KBTBD11: variants seen among roughly 807,000 people sequenced by gnomAD.
KBTBD11 encodes the protein kelch repeat and BTB domain containing 11.
For synonymous variants in KBTBD11, 747 were observed against 499.0 expected, an observed-to-expected ratio of 1.50 and a Z score of -6.63; for missense variants, 1,390 against 1,001.8, an observed-to-expected ratio of 1.39 and a Z score of -5.23.
rs1271653418 is a variant in KBTBD11, at chr8:2,002,970, C to T, written c.1778C>T (p.Ala593Val). Residue 593 changes from alanine (A) to valine (V), a missense_variant, in exon 2 of 2, where the codon GCG (alanine) becomes GTG (valine). Transcript: ENST00000320248. This position sits in a 1 kb window ranked among gnomAD's most constrained non-coding sequence, Gnocchi z 4.1. ...GCAGGCCAGGGCGGCGGCTTCGAGG[C>T]GCTGGGCGCCCCCTTGGACGTCCGG... ...GDAGQGGGFE[A>V]LGAPLDVRGV... The T allele has an allele frequency of 7.6e-7, 1 of 1,314,252 alleles. No individual in the cohort carries two copies. Among genetic ancestry groups the T allele is most frequent in the Non-Finnish European group, 9.7e-7 (1 of 1,032,784 alleles). The allele number at this position is 1,314,252 out of a possible 1,614,324, so 81.4% of individuals were successfully genotyped here. A position where few individuals can be genotyped will look rare whatever the true frequency, so the allele number is the denominator to read the frequency against.
chr8:1,983,481 C>T (rs1200660967), intron 1 of KBTBD11, among the ~76,000 whole-genome samples: 1 of 152,192 alleles, frequency 6.6e-6, no homozygotes, highest in African/African-American at 2.4e-5. Flanking sequence ...TTTCCATCAT[C>T]CGTCGGGTTA....
At chr8:1,978,387 A>C (rs1816422735) in intron 1 of KBTBD11, among the ~76,000 whole-genome samples, 1 of 152,270 alleles carries the variant, frequency 6.6e-6, no homozygotes, top group African/African-American at 2.4e-5. Flanking sequence ...CATGGAGGCC[A>C]CTGACTTGCT....
At chr8:1,992,256 C>T (rs1209263449) in intron 1 of KBTBD11, among the ~76,000 whole-genome samples, 1 of 152,062 alleles carries the variant, frequency 6.6e-6, no homozygotes, top group African/African-American at 2.4e-5. Context: ...GCGCTGCCTG[C>T]CTCCCAGGGT....
At chr8:1,983,553 G>A (rs1292780496) in intron 1 of KBTBD11, among the ~76,000 whole-genome samples, 1 of 152,138 alleles carries the variant, frequency 6.6e-6, no homozygotes, top group African/African-American at 2.4e-5. Context: ...TCTGCTTTTG[G>A]TCTTCACTAG....
At chr8:1,983,222 C>T (rs577527460) in intron 1 of KBTBD11, among the ~76,000 whole-genome samples, 7 of 152,284 alleles carry the variant, frequency 4.6e-5, no homozygotes, top group African/African-American at 1.7e-4. Context: ...GCTGTGTCCC[C>T]AGTGAATCCT....
chr8:1,985,846 T>C (rs953626524), intron 1 of KBTBD11, among the ~76,000 whole-genome samples: 3 of 152,196 alleles, frequency 2.0e-5, no homozygotes, highest in Admixed American at 1.3e-4. Flanking sequence ...CTATAAATCA[T>C]ATTTAGTGAG....
intron 1 of KBTBD11, chr8:1,974,229 T>TG: frequency 2.4e-6 from 2 of 822,178 alleles, no homozygotes; most frequent in African/African-American, 3.4e-5. Flanking sequence ...GGAGGCCGCG[T>TG]GGGGGGCGTG....
chr8:1,981,259 A>C (rs747233114), intron 1 of KBTBD11, among the ~76,000 whole-genome samples: 2 of 152,222 alleles, frequency 1.3e-5, no homozygotes, highest in Non-Finnish European at 2.9e-5. Context: ...GGAGTTCACC[A>C]CCACCAGACC....
At position 2,001,829 on chromosome 8, in the gene KBTBD11, C is replaced by G; in HGVS notation, c.637C>G (p.Arg213Gly). The change falls in exon 2 of 2, where the codon CGC (arginine) becomes GGC (glycine). Residue 213 changes from arginine (R) to glycine (G), a missense_variant. Physicochemically the swap from Arg to Gly is moderately radical, Grantham distance 125 (BLOSUM62 -2). Coordinates refer to ENST00000320248, the MANE Select transcript of KBTBD11 (RefSeq NM_014867.3). ...GGCCGAGGTGGTGGCCGGCGCGCGCCGCCTGCAGCTGCCCGGCGCCGCGCA... is the reference window on the plus strand; with the variant it reads ...GGCCGAGGTGGTGGCCGGCGCGCGCGGCCTGCAGCTGCCCGGCGCCGCGCA... The part of the protein sequence containing the change: ...NVAEVVAGAR[R>G]LQLPGAAQRA... 8.2e-7 allele frequency: 1 copy of G among 1,217,532 alleles called. No homozygotes were observed. The highest frequency in any genetic ancestry group is 1.0e-6 in the Non-Finnish European group (1 of 982,246). The allele number at this position is 1,217,532 out of a possible 1,614,324, so 75.4% of individuals were successfully genotyped here.
At chr8:1,984,342 G>A (rs947786405) in intron 1 of KBTBD11, among the ~76,000 whole-genome samples, 1 of 141,716 alleles carries the variant, frequency 7.1e-6, no homozygotes, top group Non-Finnish European at 1.5e-5. Flanking sequence ...AGGCTGGAGT[G>A]CAGTGGCGTG....
chr8:1,978,566 C>G (rs1029806674), intron 1 of KBTBD11, among the ~76,000 whole-genome samples: 1 of 152,190 alleles, frequency 6.6e-6, no homozygotes, highest in Non-Finnish European at 1.5e-5. Flanking sequence ...GGACTGTGAC[C>G]TGAGAAAACA....
intron 1 of KBTBD11, among the ~76,000 whole-genome samples, chr8:1,993,639 A>G (rs917788450): frequency 6.6e-6 from 1 of 151,370 alleles, no homozygotes; most frequent in Non-Finnish European, 1.5e-5. Context: ...GTGAAAGGTA[A>G]TCCTCCTTTC....
At chr8:1,975,388 C>T (rs188111582) in intron 1 of KBTBD11, 1 of 152,324 alleles carries the variant, frequency 6.6e-6, no homozygotes, top group Non-Finnish European at 1.5e-5. Flanking sequence ...TGACGGTGGT[C>T]CTGTAAGATT....
At chr8:1,989,120 T>C (rs4410948) in intron 1 of KBTBD11, among the ~76,000 whole-genome samples, 139,667 of 152,224 alleles carry the variant, frequency 0.92, 64,161 homozygotes, top group East Asian at 1. Flanking sequence ...CTCCAGAGCC[T>C]TGGTGCTCTG....
At chr8:1,980,493 G>C (rs1240725695) in intron 1 of KBTBD11, among the ~76,000 whole-genome samples, 1 of 152,208 alleles carries the variant, frequency 6.6e-6, no homozygotes, top group Non-Finnish European at 1.5e-5. Context: ...CCAAAGTGCA[G>C]GGATTACAGA....
At chr8:1,978,523 T>G (rs2129308278) in intron 1 of KBTBD11, among the ~76,000 whole-genome samples, 1 of 152,324 alleles carries the variant, frequency 6.6e-6, no homozygotes, top group South Asian at 2.1e-4. Context: ...CTTGATGCAG[T>G]GGACTCCCTG....
rs995594818 is a variant in KBTBD11, at chr8:2,002,142, G to C, written c.950G>C (p.Gly317Ala). 43 of 1,170,012 alleles carry C rather than the reference G, an allele frequency of 3.7e-5. No individual in the cohort carries two copies. Among genetic ancestry groups the C allele is most frequent in the Admixed American group, 4.8e-5 (1 of 20,888 alleles). 72.5% of individuals were successfully genotyped at this position (1,170,012 alleles called of 1,614,324 possible). A position where few individuals can be genotyped will look rare whatever the true frequency, so the allele number is the denominator to read the frequency against. ...RAGSRPQSPS[G>A]DADARGDAAV... ...GGCAGCCGGCCTCAGAGCCCCTCGGGGGACGCGGACGCGCGCGGGGACGCG... is the reference window on the plus strand; with the variant it reads ...GGCAGCCGGCCTCAGAGCCCCTCGGCGGACGCGGACGCGCGCGGGGACGCG... Residue 317 changes from glycine to alanine, a missense_variant, in exon 2 of 2, where the codon GGG (glycine) becomes GCG (alanine). Physicochemically the swap from Gly to Ala is moderately conservative, Grantham distance 60. Transcript: ENST00000320248. This position sits in a 1 kb window ranked among gnomAD's most constrained non-coding sequence, Gnocchi z 4.1.
chr8:2,004,244 C>T lies in KBTBD11; in HGVS notation c.*1180C>T, dbSNP rs1296584126. On this transcript the variant is annotated 3_prime_UTR_variant, in exon 2 of 2. Coordinates refer to ENST00000320248, the MANE Select transcript of KBTBD11 (RefSeq NM_014867.3). Reference sequence around the variant, plus strand: ...ATACCCTAATAGAATTAACACGAGGCTCACTGCATTGACAGGGTATGAGGA... The same window carrying T: ...ATACCCTAATAGAATTAACACGAGGTTCACTGCATTGACAGGGTATGAGGA... The T allele has an allele frequency of 6.0e-6, 1 of 166,948 alleles. No individual in the cohort carries two copies. Among genetic ancestry groups the T allele is most frequent in the Non-Finnish European group, 1.5e-5 (1 of 68,118 alleles). 10.3% of individuals were successfully genotyped at this position (166,948 alleles called of 1,614,324 possible).
Position 1,973,710 on chromosome 8 carries a change from G to A in KBTBD11, c.-1134G>A. On this transcript the variant is annotated 5_prime_UTR_variant, in exon 1 of 2. Transcript: ENST00000320248. ...CGCGCGCCCCTCGCAGCCTGGAGCC[G>A]GAGCGCTGGCTCCGCGCGGCCTGGA... is the stretch of plus-strand genomic sequence containing the variant. 2 of 983,750 alleles carry A rather than the reference G, an allele frequency of 2.0e-6. No homozygotes were observed. The highest frequency in any genetic ancestry group is 4.7e-5 in the South Asian group (1 of 21,280). The allele number at this position is 983,750 out of a possible 1,614,324, so 60.9% of individuals were successfully genotyped here.
Sources: gnomAD v4.1 joint callset for allele counts (sites outside exome capture counted in the v4.1 genomes callset) on GRCh38, gnomAD v4.1.1 for gene constraint, Gnocchi (gnomAD v3.1) non-coding constraint, MANE v1.5 for transcripts, NCBI Gene and HGNC (gene_info 2026-07-23, HGNC 2026-07-21) for gene names.